Variants in GPC6 observed in about 807,000 individuals in gnomAD.
The protein encoded by GPC6 is glypican 6, also known as glypican-6.
In GPC6, 14 loss-of-function variants were observed where a neutral mutation model predicts 55.2. The observed-to-expected ratio is 0.25, with a 90% confidence interval of 0.17 to 0.40. GPC6 has a LOEUF of 0.40. Among genes scored for constraint, GPC6 ranks in the 10% least tolerant of loss-of-function variants. GPC6 has a pLI of 1.00. For synonymous variants in GPC6, 278 were observed against 259.6 expected (o/e 1.07, Z -0.68); for missense variants, 641 against 708.5 (o/e 0.90, Z 1.08).
At chr13:94,261,551 A>C (rs1192258249) in intron 4 of GPC6, among the ~76,000 whole-genome samples, 1 of 152,226 alleles carries the variant, frequency 6.6e-6, no homozygotes, top group East Asian at 1.9e-4. Flanking sequence ...AAAATGGATT[A>C]ATGGGTATGG....
At chr13:93,728,645 C>A (rs1883725431) in intron 2 of GPC6, among the ~76,000 whole-genome samples, 1 of 152,044 alleles carries the variant, frequency 6.6e-6, no homozygotes, top group Admixed American at 6.6e-5. Flanking sequence ...CAGCTCACTG[C>A]AGCCTCTACC....
At chr13:93,812,963 A>T (rs1323165225) in intron 2 of GPC6, among the ~76,000 whole-genome samples, 2 of 152,210 alleles carry the variant, frequency 1.3e-5, no homozygotes, top group East Asian at 3.9e-4. Flanking sequence ...TCAATAATGC[A>T]TCATTCCACT....
chr13:93,902,304 A>G (rs1160536965), intron 3 of GPC6, among the ~76,000 whole-genome samples: 2 of 151,994 alleles, frequency 1.3e-5, no homozygotes, highest in Non-Finnish European at 2.9e-5. Context: ...ATCATGTGAC[A>G]TTTGTCTTTC....
At chr13:94,031,626 C>A (rs770292160) in intron 4 of GPC6, among the ~76,000 whole-genome samples, 22 of 152,200 alleles carry the variant, frequency 1.4e-4, no homozygotes, top group Non-Finnish European at 2.4e-4. Context: ...TATTTTCATA[C>A]AAAACTTATC....
chr13:93,666,560 T>G (rs1881144729), intron 2 of GPC6, among the ~76,000 whole-genome samples: 1 of 152,164 alleles, frequency 6.6e-6, no homozygotes, highest in Non-Finnish European at 1.5e-5. Flanking sequence ...AGAGCCAACG[T>G]TTAAAAATGG....
At chr13:94,277,783 G>T (rs1044926518) in intron 4 of GPC6, among the ~76,000 whole-genome samples, 5 of 152,052 alleles carry the variant, frequency 3.3e-5, no homozygotes, top group Non-Finnish European at 7.4e-5. Flanking sequence ...CTGTTCCATT[G>T]GTCTATATGT....
intron 6 of GPC6, among the ~76,000 whole-genome samples, chr13:94,363,869 T>C (rs140227102): frequency 9.8e-5 from 15 of 152,314 alleles, no homozygotes; most frequent in African/African-American, 3.6e-4. Context: ...AGATGGACTG[T>C]AAGTATAAAA....
intron 1 of GPC6, among the ~76,000 whole-genome samples, chr13:93,459,087 C>G (rs1878582129): frequency 6.6e-6 from 1 of 152,128 alleles, no homozygotes; most frequent in South Asian, 2.1e-4. Flanking sequence ...GAGACAGGGC[C>G]TTGCTCTGTT....
chr13:93,469,410 A>C (rs1055374406), intron 1 of GPC6, among the ~76,000 whole-genome samples: 13 of 152,142 alleles, frequency 8.5e-5, no homozygotes, highest in African/African-American at 2.9e-4. Context: ...TTCATTGCAG[A>C]TATTAATATT....
At chr13:94,106,669 A>G (rs1886065441) in intron 4 of GPC6, among the ~76,000 whole-genome samples, 1 of 152,152 alleles carries the variant, frequency 6.6e-6, no homozygotes, top group African/African-American at 2.4e-5. Flanking sequence ...GATCGTTTTG[A>G]GGATGAAAAA....
At chr13:94,018,993 A>T (rs1386709185) in intron 3 of GPC6, among the ~76,000 whole-genome samples, 1 of 152,140 alleles carries the variant, frequency 6.6e-6, no homozygotes, top group Admixed American at 6.5e-5. Flanking sequence ...CTTGTGCCAA[A>T]AGGGTTGGAG....
chr13:93,342,413 C>T (rs974098063), intron 1 of GPC6, among the ~76,000 whole-genome samples: 2 of 152,078 alleles, frequency 1.3e-5, no homozygotes, highest in African/African-American at 2.4e-5. Context: ...TGGCGGCAGG[C>T]AAGAGAGTGT....
chr13:93,596,226 A>G (rs1877721088), intron 2 of GPC6, among the ~76,000 whole-genome samples: 1 of 152,132 alleles, frequency 6.6e-6, no homozygotes, highest in Non-Finnish European at 1.5e-5. Context: ...AATGGAAGAG[A>G]CCACAGAAAA....
At chr13:93,648,417 A>G (rs1366050646) in intron 2 of GPC6, among the ~76,000 whole-genome samples, 1 of 152,340 alleles carries the variant, frequency 6.6e-6, no homozygotes, top group African/African-American at 2.4e-5. Flanking sequence ...GGAAATAAGG[A>G]ATAATTTTAC....
Position 93,495,191 on chromosome 13 carries a change from A to G in GPC6, c.161-50072A>G, listed in dbSNP as rs1880212524. Among the ~76,000 whole-genome samples, 7 of 110,908 alleles carry G rather than the reference A, an allele frequency of 6.3e-5. 1 individual carries two copies. Among genetic ancestry groups the G allele is most frequent in the Admixed American group, 5.4e-4 (6 of 11,096 alleles). 72.8% of individuals were successfully genotyped at this position (110,908 alleles called of 152,430 possible). Reference sequence around the variant, plus strand: ...AGACGTAGATTTGGTCTTTTCACATAGTCGCATATTTCTTGGAGGCTTTGC... The same window carrying G: ...AGACGTAGATTTGGTCTTTTCACATGGTCGCATATTTCTTGGAGGCTTTGC... On this transcript the variant is annotated intron_variant, in intron 1 of 8. Coordinates refer to ENST00000377047, the MANE Select transcript of GPC6 (RefSeq NM_005708.5).
chr13:93,589,688 T>C (rs149450297), intron 2 of GPC6, among the ~76,000 whole-genome samples: 2 of 152,308 alleles, frequency 1.3e-5, no homozygotes, highest in Non-Finnish European at 2.9e-5. Flanking sequence ...TTTTTAGAAA[T>C]ATGAAATGAG....
chr13:93,301,770 G>A (rs1878689048), intron 1 of GPC6, among the ~76,000 whole-genome samples: 2 of 152,120 alleles, frequency 1.3e-5, no homozygotes, highest in Non-Finnish European at 2.9e-5. Context: ...CTTTGGGAGA[G>A]AAACATCCCA....
At chr13:93,734,501 A>C (rs896200557) in intron 2 of GPC6, among the ~76,000 whole-genome samples, 7 of 152,172 alleles carry the variant, frequency 4.6e-5, no homozygotes, top group Admixed American at 4.6e-4. Context: ...CTGTTCCATC[A>C]CTGGGGCACT....
chr13:93,917,633 A>G (rs1264964434), intron 3 of GPC6, among the ~76,000 whole-genome samples: 9 of 152,202 alleles, frequency 5.9e-5, no homozygotes, highest in African/African-American at 2.2e-4. Flanking sequence ...TTCTGACTCC[A>G]TGACCTTGTG....
Sources: allele counts gnomAD v4.1 joint callset (sites outside exome capture counted in the v4.1 genomes callset), GRCh38; gene constraint gnomAD v4.1.1; transcripts MANE v1.5; gene names NCBI Gene and HGNC (gene_info 2026-07-23, HGNC 2026-07-21).